The following SHROOM3 variants were observed in gnomAD, a reference collection of about 807,000 sequenced individuals.
SHROOM3 encodes protein Shroom3.
In SHROOM3, 47 loss-of-function variants were observed where a neutral mutation model predicts 138.6. The observed-to-expected ratio is 0.34, with a 90% CI of 0.27 to 0.43. The LOEUF is 0.43. SHROOM3 is among the 20% of genes least tolerant of loss of function. SHROOM3 has a pLI of 1.00. For synonymous variants in SHROOM3, 1,062 were observed against 1,063.3 expected, an observed-to-expected ratio of 1.00 and a Z score of 0.02; for missense variants, 2,491 against 2,596.5, an observed-to-expected ratio of 0.96 and a Z score of 0.88.
intron 1 of SHROOM3, among the ~76,000 whole-genome samples, chr4:76,450,709 T>C (rs1201557707): frequency 6.6e-6 from 1 of 152,200 alleles, no homozygotes; most frequent in Non-Finnish European, 1.5e-5. Context: ...CCTAAGGCTA[T>C]GGATAGGAAT....
intron 1 of SHROOM3, among the ~76,000 whole-genome samples, chr4:76,495,918 T>C (rs768955580): frequency 4.6e-5 from 7 of 152,060 alleles, no homozygotes; most frequent in Non-Finnish European, 7.4e-5. Flanking sequence ...GCGGATGCCA[T>C]AGGAAGTCAA....
At chr4:76,746,931 C>G (rs1351794235) in intron 5 of SHROOM3, among the ~76,000 whole-genome samples, 1 of 151,852 alleles carries the variant, frequency 6.6e-6, no homozygotes, top group Non-Finnish European at 1.5e-5. Flanking sequence ...ATTCTCCTGC[C>G]TCAGCCTCCT....
Position 76,435,649 on chromosome 4 carries a change from C to T in SHROOM3, c.-404C>T, listed in dbSNP as rs1463238087. 6.5e-6 allele frequency: 1 copy of T among 155,036 alleles called. No homozygotes were observed. Among genetic ancestry groups the T allele is most frequent in the African/African-American group, 2.4e-5 (1 of 41,528 alleles). 9.6% of individuals were successfully genotyped at this position (155,036 alleles called of 1,614,324 possible). A position where few individuals can be genotyped will look rare whatever the true frequency, so the allele number is the denominator to read the frequency against. On this transcript the variant is annotated 5_prime_UTR_variant, in exon 1 of 11. Coordinates refer to ENST00000296043, the MANE Select transcript of SHROOM3 (RefSeq NM_020859.4). Reference sequence around the variant, plus strand: ...CCTTTGAGTATTTGTGATTTTCTTACTATATTGTAAGATGCTTTTAATTTT... The same window carrying T: ...CCTTTGAGTATTTGTGATTTTCTTATTATATTGTAAGATGCTTTTAATTTT...
At chr4:76,717,168 CTT>C (rs1403692385) in intron 3 of SHROOM3, among the ~76,000 whole-genome samples, 13 of 152,142 alleles carry the variant, frequency 8.5e-5, no homozygotes, top group African/African-American at 3.1e-4. Context: ...ACTCCACTCT[CTT>C]CTTTCTTGCA....
intron 4 of SHROOM3, among the ~76,000 whole-genome samples, chr4:76,734,611 A>G (rs1241297289): frequency 6.6e-6 from 1 of 151,910 alleles, no homozygotes; most frequent in East Asian, 1.9e-4. Flanking sequence ...TCTGGGCTCA[A>G]GCGATCCTCC....
In SHROOM3 at chr4:76,699,165, GA is replaced by G. The variant is rs796193558; in HGVS notation, c.324-10989del. 6.8e-4 allele frequency among the ~76,000 whole-genome samples: 104 copies of G among 152,304 alleles called. 2 individuals carry two copies. The highest frequency in any genetic ancestry group is 2.4e-3 in the African/African-American group (100 of 41,548). ...GAGGTTCAGAGAGAATAGTGGCCAG[GA>G]ACTGGCAGAGATCAGATTAGAACCC... On this transcript the variant is annotated intron_variant, in intron 2 of 10. Coordinates refer to ENST00000296043, the MANE Select transcript of SHROOM3 (RefSeq NM_020859.4).
chr4:76,435,859 A>T lies in SHROOM3; in HGVS notation c.-194A>T. On this transcript the variant is annotated 5_prime_UTR_variant, in exon 1 of 11. It removes the in-frame stop codon of an upstream open reading frame in the 5' UTR. Coordinates refer to ENST00000296043, the MANE Select transcript of SHROOM3 (RefSeq NM_020859.4). ...ATTTACATTCAGAAATGTTGAAGTG[A>T]AAATTCCTTCTGGTTCAGCATCTTG... is the stretch of plus-strand genomic sequence containing the variant. The T allele has an allele frequency of 1.8e-6, 1 of 555,916 alleles. No individual in the cohort carries two copies. The highest frequency in any genetic ancestry group is 1.9e-5 in the African/African-American group (1 of 53,100). 34.4% of individuals were successfully genotyped at this position (555,916 alleles called of 1,614,324 possible).
chr4:76,458,376 G>T (rs1368322038), intron 1 of SHROOM3, among the ~76,000 whole-genome samples: 1 of 152,058 alleles, frequency 6.6e-6, no homozygotes, highest in Non-Finnish European at 1.5e-5. Flanking sequence ...TTCCTCTTTT[G>T]TATCTTTTTC....
At chr4:76,570,578 A>G (rs1194541341) in intron 2 of SHROOM3, among the ~76,000 whole-genome samples, 6 of 152,206 alleles carry the variant, frequency 3.9e-5, no homozygotes, top group African/African-American at 7.2e-5. Flanking sequence ...GAATATAAAC[A>G]TGAGCTCATG....
At chr4:76,534,880 C>T (rs1732917842) in intron 1 of SHROOM3, among the ~76,000 whole-genome samples, 1 of 104,816 alleles carries the variant, frequency 9.5e-6, no homozygotes, top group Non-Finnish European at 1.9e-5. Context: ...GCTCTGCTGT[C>T]CTCTTTTTGA....
At chr4:76,630,118 AT>A (rs769322273) in intron 2 of SHROOM3, among the ~76,000 whole-genome samples, 23 of 152,154 alleles carry the variant, frequency 1.5e-4, no homozygotes, top group Non-Finnish European at 2.8e-4. Context: ...TGTTAGTTTC[AT>A]TGTTTTGTAT....
At chr4:76,698,638 CAG>C (rs370814172) in intron 2 of SHROOM3, among the ~76,000 whole-genome samples, 9 of 152,216 alleles carry the variant, frequency 5.9e-5, no homozygotes, top group African/African-American at 1.2e-4. Flanking sequence ...AGGAAGGACT[CAG>C]GGGCTGAAAA....
rs1731852024 is a variant in SHROOM3, at chr4:76,491,643, C to A, written c.168+55423C>A. Among the ~76,000 whole-genome samples, 4 of 152,106 alleles carry A rather than the reference C, an allele frequency of 2.6e-5. No homozygotes were observed. In the South Asian group the frequency reaches 8.3e-4, roughly 32 times the overall value. ...CCATTTTGCAGTCTTGAGGGACAGA[C>A]CAAGAAAATTAGGGGAAGCTGACTC... On this transcript the variant is annotated intron_variant, in intron 1 of 10. Transcript: ENST00000296043.
intron 9 of SHROOM3, 41 bp from the exon 10 acceptor site, chr4:76,770,585 C>G: frequency 6.2e-7 from 1 of 1,610,682 alleles, no homozygotes; most frequent in Non-Finnish European, 8.5e-7. Flanking sequence ...CCACTGGCAC[C>G]TCCTGTTGGC....
At chr4:76,728,664 C>A (rs1427792075) in intron 3 of SHROOM3, among the ~76,000 whole-genome samples, 1 of 152,196 alleles carries the variant, frequency 6.6e-6, no homozygotes, top group African/African-American at 2.4e-5. Context: ...TCTCCTTAGC[C>A]CAAGCTGTGC....
At chr4:76,757,898 T>C (rs1721873151) in intron 8 of SHROOM3, among the ~76,000 whole-genome samples, 1 of 152,204 alleles carries the variant, frequency 6.6e-6, no homozygotes, top group East Asian at 1.9e-4. Flanking sequence ...CAGCAGTTAG[T>C]GGCTTCCAGA....
intron 2 of SHROOM3, among the ~76,000 whole-genome samples, chr4:76,668,437 G>T (rs1258629631): frequency 6.6e-6 from 1 of 152,120 alleles, no homozygotes; most frequent in African/African-American, 2.4e-5. Context: ...GCCGGACGTA[G>T]TGGCACATGC....
chr4:76,559,902 G>A (rs1733564745), intron 2 of SHROOM3, among the ~76,000 whole-genome samples: 1 of 152,214 alleles, frequency 6.6e-6, no homozygotes, highest in African/African-American at 2.4e-5. Flanking sequence ...GAGGCGCTGT[G>A]GACGCTGCAA....
At chr4:76,471,464 G>A (rs753142996) in intron 1 of SHROOM3, among the ~76,000 whole-genome samples, 5 of 152,038 alleles carry the variant, frequency 3.3e-5, no homozygotes, top group Non-Finnish European at 7.4e-5. Flanking sequence ...GGATGGTCTC[G>A]ATCTCCTGAC....
Sources: gnomAD v4.1 joint callset for allele counts (sites outside exome capture counted in the v4.1 genomes callset) on GRCh38, gnomAD v4.1.1 for gene constraint, MANE v1.5 for transcripts, NCBI Gene and HGNC (gene_info 2026-07-23, HGNC 2026-07-21) for gene names.